Variants in TRPC6 observed in about 807,000 individuals in gnomAD.
TRPC6 encodes the protein short transient receptor potential channel 6.
In TRPC6, 55 loss-of-function variants were observed where a neutral mutation model predicts 90.7. That is an observed-to-expected ratio of 0.61 (90% confidence interval 0.49 to 0.76). The LOEUF is 0.76. Ranked by LOEUF, TRPC6 falls within the 30% of genes least tolerant of loss-of-function variation. The pLI is 0.00. For synonymous variants in TRPC6, 393 were observed against 393.0 expected, an observed-to-expected ratio of 1.00 and a Z score of 0.00; for missense variants, 989 against 1,122.7, an observed-to-expected ratio of 0.88 and a Z score of 1.70.
chr11:101,511,061 T>C (rs1425540019), intron 1 of TRPC6, among the ~76,000 whole-genome samples: 2 of 152,168 alleles, frequency 1.3e-5, no homozygotes, highest in Admixed American at 1.3e-4. Context: ...CCTAGGAAAG[T>C]AGAAATAAAA....
intron 12 of TRPC6, among the ~76,000 whole-genome samples, 176 bp downstream of exon 12, chr11:101,453,474 G>GAGAC (rs1016974168): frequency 1.3e-5 from 2 of 152,194 alleles, no homozygotes; most frequent in African/African-American, 4.8e-5. Context: ...CCCGCCTGTG[G>GAGAC]AGACATAGCC....
intron 1 of TRPC6, among the ~76,000 whole-genome samples, chr11:101,522,339 T>C (rs960436561): frequency 1.5e-4 from 23 of 152,338 alleles, no homozygotes; most frequent in Non-Finnish European, 2.6e-4. Context: ...TCTCTGGTCA[T>C]GTAAGATGTG....
intron 2 of TRPC6, among the ~76,000 whole-genome samples, chr11:101,496,193 C>CTG (rs1859944916): frequency 6.6e-6 from 1 of 152,146 alleles, no homozygotes; most frequent in Non-Finnish European, 1.5e-5. Context: ...TCCATCCCCA[C>CTG]GATGCAGTCA....
chr11:101,536,319 G>A (rs1228960910), intron 1 of TRPC6, among the ~76,000 whole-genome samples: 3 of 151,486 alleles, frequency 2.0e-5, no homozygotes, highest in South Asian at 2.1e-4. Context: ...TCCGGGAGGC[G>A]GAGGTTGCAG....
intron 1 of TRPC6, among the ~76,000 whole-genome samples, chr11:101,557,527 A>G (rs1049565019): frequency 6.6e-6 from 1 of 152,192 alleles, no homozygotes; most frequent in Non-Finnish European, 1.5e-5. Flanking sequence ...GGCAAGAGAA[A>G]AAATAAAAGG....
At chr11:101,549,273 G>T (rs755706187) in intron 1 of TRPC6, among the ~76,000 whole-genome samples, 19 of 151,780 alleles carry the variant, frequency 1.3e-4, no homozygotes, top group Non-Finnish European at 2.7e-4. Flanking sequence ...TTTAAAAAGG[G>T]ATATATTATA....
intron 1 of TRPC6, among the ~76,000 whole-genome samples, chr11:101,522,476 G>T (rs562571036): frequency 2.0e-5 from 3 of 152,076 alleles, no homozygotes. Context: ...CCAGTCTTAG[G>T]TAGTTCTTTA....
intron 1 of TRPC6, among the ~76,000 whole-genome samples, chr11:101,564,115 C>A (rs1055392727): frequency 6.6e-6 from 1 of 150,480 alleles, no homozygotes; most frequent in Non-Finnish European, 1.5e-5. Flanking sequence ...GTTTTATTAT[C>A]TGTGAAGATG....
intron 1 of TRPC6, among the ~76,000 whole-genome samples, chr11:101,510,210 C>G (rs748197498): frequency 2.0e-5 from 3 of 152,054 alleles, no homozygotes; most frequent in Non-Finnish European, 4.4e-5. Flanking sequence ...TATGCAAAAG[C>G]AAAATGTGTA....
At chr11:101,488,330 T>C (rs916481576) in intron 4 of TRPC6, among the ~76,000 whole-genome samples, 7 of 152,252 alleles carry the variant, frequency 4.6e-5, no homozygotes, top group Non-Finnish European at 7.3e-5. Context: ...CATGGGTAGA[T>C]AGCTTTTGCT....
At chr11:101,506,956 C>T (rs1178598367) in intron 1 of TRPC6, among the ~76,000 whole-genome samples, 2 of 150,538 alleles carry the variant, frequency 1.3e-5, no homozygotes, top group Non-Finnish European at 3.0e-5. Flanking sequence ...TTTGGCATTA[C>T]CTATGGACTT....
intron 1 of TRPC6, among the ~76,000 whole-genome samples, chr11:101,510,210 C>A (rs748197498): frequency 6.6e-6 from 1 of 152,172 alleles, no homozygotes. Context: ...TATGCAAAAG[C>A]AAAATGTGTA....
chr11:101,530,066 A>G (rs1860874008), intron 1 of TRPC6, among the ~76,000 whole-genome samples: 1 of 152,148 alleles, frequency 6.6e-6, no homozygotes, highest in African/African-American at 2.4e-5. Context: ...GCAGACGCTG[A>G]AGTACCCCTG....
chr11:101,515,402 G>C (rs1298196116), intron 1 of TRPC6, among the ~76,000 whole-genome samples: 1 of 152,090 alleles, frequency 6.6e-6, no homozygotes, highest in Non-Finnish European at 1.5e-5. Flanking sequence ...CACTATTCTT[G>C]AAGTGTATTC....
Position 101,472,148 on chromosome 11 carries a change from G to C in TRPC6, c.2194C>G (p.Gln732Glu). The C allele has an allele frequency of 6.2e-7, 1 of 1,611,144 alleles. No homozygotes were observed. Among genetic ancestry groups the C allele is most frequent in the East Asian group, 2.2e-5 (1 of 44,804 alleles). ...MLIAMINSSFQEIEDDADVEW... is the reference protein window; with the variant it reads ...MLIAMINSSFEEIEDDADVEW... ...TATTGAGATTATACCTCAATTTCCT[G>C]GAATGAACTGTTGATCATGGCAATT... The change falls in exon 8 of 13, where the codon CAG becomes GAG. Residue 732 changes from glutamine to glutamate, a missense_variant. Physicochemically the swap from Gln to Glu is conservative, Grantham distance 29. This residue lies in a region of TRPC6 where 118 missense variants were observed against 197.6 expected (regional missense o/e 0.60). Transcript: ENST00000344327.
At chr11:101,495,633 T>TATTATTATTATTATC (rs377163485) in intron 2 of TRPC6, among the ~76,000 whole-genome samples, 1 of 144,518 alleles carries the variant, frequency 6.9e-6, no homozygotes, top group Admixed American at 7.0e-5. Context: ...TTATTATTAT[T>TATTATTATTATTATC]ATCATTGTTT....
chr11:101,500,656 AT>A (rs1860096350), intron 2 of TRPC6, among the ~76,000 whole-genome samples: 1 of 43,994 alleles, frequency 2.3e-5, no homozygotes, highest in African/African-American at 1.3e-4. Flanking sequence ...AAAATTTCAT[AT>A]ATATGTGTGT....
intron 2 of TRPC6, among the ~76,000 whole-genome samples, chr11:101,499,529 G>A: frequency 6.9e-6 from 1 of 145,660 alleles, no homozygotes; most frequent in Non-Finnish European, 1.5e-5. Context: ...TAACATACTG[G>A]CTGCCATACC....
At chr11:101,498,678 C>A (rs1486842411) in intron 2 of TRPC6, among the ~76,000 whole-genome samples, 1 of 152,148 alleles carries the variant, frequency 6.6e-6, no homozygotes, top group Non-Finnish European at 1.5e-5. Context: ...AAGTCCCATT[C>A]TCTGTCATAA....
Sources: gnomAD v4.1 joint callset for allele counts (sites outside exome capture counted in the v4.1 genomes callset) on GRCh38, gnomAD v4.1.1 for gene constraint, gnomAD v4.1.1 regional missense constraint, MANE v1.5 for transcripts, NCBI Gene and HGNC (gene_info 2026-07-23, HGNC 2026-07-21) for gene names.